The following NEDD9 variants were observed in gnomAD, a reference collection of about 807,000 sequenced individuals.
NEDD9 encodes the protein neural precursor cell expressed, developmentally down-regulated 9.
A neutral mutation model predicts 76.6 loss-of-function variants in NEDD9; 26 were observed. The ratio of observed to expected loss-of-function variants is 0.34; its 90% CI spans 0.25 to 0.47. The LOEUF is 0.47. Ranked by LOEUF, NEDD9 falls within the 20% of genes least tolerant of loss-of-function variation. The probability of loss-of-function intolerance (pLI) is 1.00; values close to 1 mark genes in which losing one functional copy is unlikely to be tolerated. For missense variants in NEDD9, 937 were observed against 1,058.5 expected, an observed-to-expected ratio of 0.89 and a Z score of 1.59; for synonymous variants, 392 against 414.2, an observed-to-expected ratio of 0.95 and a Z score of 0.65.
chr6:11,197,456 T>C (rs1758321564), intron 2 of NEDD9, among the ~76,000 whole-genome samples: 1 of 152,190 alleles, frequency 6.6e-6, no homozygotes, highest in South Asian at 2.1e-4. Flanking sequence ...ACTTTCCATA[T>C]GTGGATTTTC....
At position 11,201,546 on chromosome 6, in the gene NEDD9, G is replaced by A. The variant is rs113887838; in HGVS notation, c.460-7854C>T. Reference sequence around the variant, plus strand: ...AAAATCCTACTCTTTGAAAGGAAGAGTTGGGTAGAGTGGATGGGAGACAGA... The same window carrying A: ...AAAATCCTACTCTTTGAAAGGAAGAATTGGGTAGAGTGGATGGGAGACAGA... On this transcript the variant is annotated intron_variant, in intron 2 of 6. Coordinates refer to ENST00000379446, the MANE Select transcript of NEDD9 (RefSeq NM_006403.4). Among the ~76,000 whole-genome samples, 1,391 of 152,304 alleles carry A rather than the reference G, an allele frequency of 9.1e-3. 15 individuals carry two copies. Among genetic ancestry groups the A allele is most frequent in the African/African-American group, 0.031 (1,303 of 41,544 alleles).
chr6:11,262,083 A>G (rs527372138), intron 3 of NEDD9, among the ~76,000 whole-genome samples: 5 of 152,292 alleles, frequency 3.3e-5, no homozygotes, highest in African/African-American at 1.2e-4. Flanking sequence ...CCCAGTGTAG[A>G]AAATTGATGC....
At chr6:11,272,034 C>T (rs1760317896) in intron 3 of NEDD9, among the ~76,000 whole-genome samples, 2 of 152,266 alleles carry the variant, frequency 1.3e-5, no homozygotes, top group South Asian at 2.1e-4. Context: ...TCTTAGGTGG[C>T]CCCACCACAG....
At chr6:11,337,893 C>G (rs1412106138) in intron 1 of NEDD9, among the ~76,000 whole-genome samples, 5 of 152,182 alleles carry the variant, frequency 3.3e-5, no homozygotes, top group African/African-American at 9.7e-5. Context: ...TTAAGGTTTT[C>G]AATCATACCA....
At chr6:11,361,006 ATG>A (rs1762671838) in intron 1 of NEDD9, among the ~76,000 whole-genome samples, 1 of 152,214 alleles carries the variant, frequency 6.6e-6, no homozygotes, top group African/African-American at 2.4e-5. Flanking sequence ...GTGAGCGTAC[ATG>A]TGTGTGAGGC....
chr6:11,238,556 G>A (rs1323132595), intron 3 of NEDD9, among the ~76,000 whole-genome samples: 1 of 152,206 alleles, frequency 6.6e-6, no homozygotes, highest in Non-Finnish European at 1.5e-5. Context: ...CGTGCACGTT[G>A]GAGCCTGTGC....
At chr6:11,280,251 A>G (rs1246912731) in intron 3 of NEDD9, among the ~76,000 whole-genome samples, 1 of 152,176 alleles carries the variant, frequency 6.6e-6, no homozygotes, top group Admixed American at 6.5e-5. Context: ...TAGCTTTCCA[A>G]TTCCATCAGA....
chr6:11,321,070 G>C (rs1000215775), intron 2 of NEDD9, among the ~76,000 whole-genome samples: 3 of 151,362 alleles, frequency 2.0e-5, no homozygotes, highest in Admixed American at 6.6e-5. Flanking sequence ...AGAATGAAGG[G>C]AGGGAGATAG....
upstream of NEDD9, among the ~76,000 whole-genome samples, chr6:11,236,624 G>A (rs1287905535): frequency 6.6e-6 from 1 of 152,146 alleles, no homozygotes. This position sits in a 1 kb window ranked among gnomAD's most constrained non-coding sequence, Gnocchi z 5.5. Flanking sequence ...CTCACACAGG[G>A]CCCCACCAGT....
chr6:11,226,985 G>T lies in NEDD9; in HGVS notation c.12+5519C>A, dbSNP rs570054677. 4.6e-5 allele frequency among the ~76,000 whole-genome samples: 7 copies of T among 152,096 alleles called. No homozygotes were observed. The East Asian group carries it at 9.7e-4, about 21-fold the overall frequency. ...ATCTGAAACAAAGCCCATGTTTTTT[G>T]TTGTTGTTGTTGTTTTTTTACTATG... On this transcript the variant is annotated intron_variant, in intron 1 of 6. Coordinates refer to ENST00000379446, the MANE Select transcript of NEDD9 (RefSeq NM_006403.4).
At chr6:11,244,987 T>C (rs935920906) in intron 3 of NEDD9, among the ~76,000 whole-genome samples, 3 of 152,232 alleles carry the variant, frequency 2.0e-5, no homozygotes, top group Non-Finnish European at 2.9e-5. Context: ...GTGTGCTGAC[T>C]AACCCTCTAC....
chr6:11,329,477 A>T (rs1472641586), intron 2 of NEDD9, among the ~76,000 whole-genome samples: 2 of 152,218 alleles, frequency 1.3e-5, no homozygotes, highest in African/African-American at 2.4e-5. Context: ...GTTTTGACGC[A>T]CAGGACAATT....
chr6:11,225,331 G>C (rs186246181), intron 1 of NEDD9, among the ~76,000 whole-genome samples: 2 of 152,062 alleles, frequency 1.3e-5, no homozygotes, highest in African/African-American at 4.8e-5. Context: ...ATTCTAATTC[G>C]CAAGACTGAG....
chr6:11,324,516 A>G (rs1208130615), intron 2 of NEDD9, among the ~76,000 whole-genome samples: 3 of 152,102 alleles, frequency 2.0e-5, no homozygotes, highest in African/African-American at 7.2e-5. Flanking sequence ...GCTCAGAAGG[A>G]CTTCTTGATG....
intron 1 of NEDD9, among the ~76,000 whole-genome samples, chr6:11,219,238 A>G (rs960238657): frequency 5.9e-5 from 9 of 152,154 alleles, no homozygotes; most frequent in African/African-American, 2.2e-4. Flanking sequence ...ATGTCAAGAA[A>G]GCTTATTACT....
chr6:11,259,712 T>C (rs992368489), intron 3 of NEDD9, among the ~76,000 whole-genome samples: 1 of 152,288 alleles, frequency 6.6e-6, no homozygotes, highest in African/African-American at 2.4e-5. Context: ...GAGAAACAAA[T>C]TGTATCTTTA....
rs1759708938 is a variant in NEDD9, at chr6:11,241,635, G to A, written c.13-27908C>T. The stretch of plus-strand genomic sequence containing the variant: ...GAGGTAGGGACAGTACACAATGGGG[G>A]AGAAGGGAGTGTTTTAAACACCAAA... On this transcript the variant is annotated intron_variant, in intron 3 of 3. Coordinates refer to the NEDD9 transcript ENST00000397378. The surrounding 1 kb of genome is among the most constrained non-coding windows in gnomAD (Gnocchi z 4.0). 6.6e-6 allele frequency among the ~76,000 whole-genome samples: 1 copy of A among 152,204 alleles called. No individual in the cohort carries two copies. The highest frequency in any genetic ancestry group is 2.4e-5 in the African/African-American group (1 of 41,460).
chr6:11,360,359 A>C (rs554402846), intron 1 of NEDD9, among the ~76,000 whole-genome samples: 1 of 152,330 alleles, frequency 6.6e-6, no homozygotes, highest in South Asian at 2.1e-4. Context: ...GAAGAGCAGA[A>C]AGTGAATAAC....
intron 1 of NEDD9, among the ~76,000 whole-genome samples, chr6:11,349,216 G>T (rs1345099288): frequency 6.6e-6 from 1 of 152,132 alleles, no homozygotes; most frequent in Non-Finnish European, 1.5e-5. Context: ...AAACTACAAT[G>T]AGATACTATC....
Sources: allele counts gnomAD v4.1 joint callset (sites outside exome capture counted in the v4.1 genomes callset), GRCh38; gene constraint gnomAD v4.1.1; non-coding constraint Gnocchi (gnomAD v3.1); transcripts MANE v1.5; gene names NCBI Gene and HGNC (gene_info 2026-07-23, HGNC 2026-07-21).